OTULIN: variants seen among roughly 807,000 people sequenced by gnomAD.
The protein encoded by OTULIN is ubiquitin thioesterase otulin.
A neutral mutation model predicts 39.6 loss-of-function variants in OTULIN; 15 were observed. That is an observed-to-expected ratio of 0.38 (90% CI 0.25 to 0.58). The LOEUF (loss-of-function observed/expected upper bound fraction) is 0.58. Ranked by LOEUF, OTULIN falls within the 20% of genes least tolerant of loss-of-function variation. OTULIN has a pLI of 0.66. For missense variants in OTULIN, 319 were observed against 445.9 expected (o/e 0.72, Z 2.56); for synonymous variants, 156 against 170.3 (o/e 0.92, Z 0.65).
the OTULIN span, among the ~76,000 whole-genome samples, chr5:14,714,818 T>G: frequency 1.3e-5 from 2 of 152,154 alleles, no homozygotes; most frequent in Non-Finnish European, 2.9e-5. Flanking sequence ...TGGTGTCAAA[T>G]GGACAGTAAA....
Position 14,698,031 on chromosome 5 carries a change from T to C in OTULIN, c.*4983T>C, listed in dbSNP as rs1322858780. The C allele has an allele frequency of 6.6e-6, 1 of 152,228 alleles. No individual in the cohort carries two copies. Among genetic ancestry groups the C allele is most frequent in the Non-Finnish European group, 1.5e-5 (1 of 68,030 alleles). 9.4% of individuals were successfully genotyped at this position (152,228 alleles called of 1,614,324 possible). A position where few individuals can be genotyped will look rare whatever the true frequency, so the allele number is the denominator to read the frequency against. ...GAACTGCAGCAATCCACAGTAATGTTGGTTACTTCTGAGTATTTGATAAAG... is the reference window on the plus strand; with the variant it reads ...GAACTGCAGCAATCCACAGTAATGTCGGTTACTTCTGAGTATTTGATAAAG... On this transcript the variant is annotated 3_prime_UTR_variant, in exon 7 of 7. Transcript: ENST00000284274.
rs759928316 is a variant in OTULIN at position 14,692,959 on chromosome 5, C to T, written c.970C>T (p.Pro324Ser). ...EFITVYPTDP[P>S]KDWPVVTLIA... ...CATCACAGTCTACCCCACCGACCCA[C>T]CCAAGGACTGGCCAGTGGTAACGCT... Residue 324 changes from proline (P) to serine (S), a missense_variant, in exon 7 of 7, where the codon CCC (proline) becomes TCC (serine). Physicochemically the swap from Pro to Ser is moderately conservative, Grantham distance 74. Around this residue, in one of 4 missense-constraint regions of OTULIN, gnomAD observed 106 missense variants for 192.8 expected, o/e 0.55. Coordinates refer to ENST00000284274, the MANE Select transcript of OTULIN (RefSeq NM_138348.6). The T allele has an allele frequency of 9.9e-6, 16 of 1,614,212 alleles. No homozygotes were observed. Among genetic ancestry groups the T allele is most frequent in the Non-Finnish European group, 1.4e-5 (16 of 1,180,034 alleles).
At chr5:14,665,269 G>A (rs376526740) in intron 1 of OTULIN, among the ~76,000 whole-genome samples, 3 of 152,322 alleles carry the variant, frequency 2.0e-5, no homozygotes, top group African/African-American at 7.2e-5. Context: ...AAGCAAACCC[G>A]AGAAGTGATG....
At chr5:14,707,037 T>G in the OTULIN span, 1 of 152,186 alleles carries the variant, frequency 6.6e-6, no homozygotes, top group African/African-American at 2.4e-5. Context: ...GAGCAGAACT[T>G]AGAAGATAAA....
Position 14,664,761 on chromosome 5 carries a change from ACCCCGACGGGAGGGG to A in OTULIN, c.-63_-49del, listed in dbSNP as rs562825993. 3.6e-4 allele frequency: 403 copies of A among 1,106,800 alleles called. 2 individuals are homozygous for A. The African/African-American group carries it at 6.2e-3, about 17-fold the overall frequency. 68.6% of individuals were successfully genotyped at this position (1,106,800 alleles called of 1,614,324 possible). On this transcript the variant is annotated 5_prime_UTR_variant, in exon 1 of 7. Coordinates refer to ENST00000284274, the MANE Select transcript of OTULIN (RefSeq NM_138348.6). ...TGAGAGGCTGCGGCCACTGCCTGGCACCCCGACGGGAGGGGCTCCGGATCGTTCGGAGCCGGCTGA... is the reference window on the plus strand; with the variant it reads ...TGAGAGGCTGCGGCCACTGCCTGGCACTCCGGATCGTTCGGAGCCGGCTGA...
At chr5:14,686,222 A>G (rs1272126232) in intron 4 of OTULIN, among the ~76,000 whole-genome samples, 1 of 152,178 alleles carries the variant, frequency 6.6e-6, no homozygotes. Flanking sequence ...TTCCAGTTGA[A>G]TGGAAGATTT....
intron 1 of OTULIN, among the ~76,000 whole-genome samples, chr5:14,673,107 CAGGAAGCAGGAGGAT>C (rs914726269): frequency 6.6e-6 from 1 of 152,064 alleles, no homozygotes; most frequent in African/African-American, 2.4e-5. Flanking sequence ...ATTGTGGGGT[CAGGAAGCAGGAGGAT>C]TTCGAGGAGG....
the OTULIN span, chr5:14,710,753 T>A: frequency 5.1e-6 from 1 of 197,010 alleles, no homozygotes; most frequent in Admixed American, 5.4e-5. Context: ...GGGAAGCAAA[T>A]CAAAGGAAGC....
chr5:14,686,147 G>A (rs768409031), intron 4 of OTULIN, among the ~76,000 whole-genome samples: 4 of 152,192 alleles, frequency 2.6e-5, no homozygotes, highest in African/African-American at 4.8e-5. Context: ...TAGTTCACAC[G>A]ATTGCTCTAG....
chr5:14,692,692 T>TA (rs1285810777), intron 6 of OTULIN, among the ~76,000 whole-genome samples, 162 bp from the exon 7 acceptor site: 1 of 151,798 alleles, frequency 6.6e-6, no homozygotes, highest in African/African-American at 2.4e-5. Context: ...TTTTTTTTTT[T>TA]TTATTTAAAT....
At chr5:14,667,419 G>A (rs577046505) in intron 1 of OTULIN, among the ~76,000 whole-genome samples, 1 of 152,210 alleles carries the variant, frequency 6.6e-6, no homozygotes. Flanking sequence ...CTGTTGCCCA[G>A]TTTGGAGTGC....
the OTULIN span, chr5:14,710,810 G>A: frequency 3.5e-6 from 1 of 283,784 alleles, no homozygotes; most frequent in South Asian, 3.6e-5. Flanking sequence ...GGGGACAGGA[G>A]AGTCTGTGGC....
chr5:14,685,210 GT>G lies in OTULIN; in HGVS notation c.469-2307del, dbSNP rs962025914. Among the ~76,000 whole-genome samples the G allele has an allele frequency of 2.3e-3, 345 of 152,310 alleles. 2 individuals carry two copies. The highest frequency in any genetic ancestry group is 7.8e-3 in the African/African-American group (325 of 41,582). ...ACTGTGTATCAAAATTTTTTTGTAA[GT>G]TTTGGGGATGACACATTTTTATTAT... On this transcript the variant is annotated intron_variant, in intron 4 of 6. Transcript: ENST00000284274.
chr5:14,713,523 C>T, the OTULIN span: 2 of 1,613,744 alleles, frequency 1.2e-6, no homozygotes, highest in African/African-American at 2.7e-5. This position sits in a 1 kb window ranked among gnomAD's most constrained non-coding sequence, Gnocchi z 4.4. Context: ...ACCCACAGCC[C>T]CAAACTCCCT....
the OTULIN span, among the ~76,000 whole-genome samples, chr5:14,716,169 A>G: frequency 6.6e-6 from 1 of 152,132 alleles, no homozygotes; most frequent in Non-Finnish European, 1.5e-5. Context: ...TTTCAGGTCT[A>G]CTTCCTTTTT....
At chr5:14,667,170 C>G (rs73749524) in intron 1 of OTULIN, among the ~76,000 whole-genome samples, 1,830 of 152,226 alleles carry the variant, frequency 0.012, 42 homozygotes, top group African/African-American at 0.042. Context: ...ACAGTAATTA[C>G]AAATACAAAT....
rs1258583728 is a variant in OTULIN, at chr5:14,692,943, C to T, written c.954C>T (p.Val318=). Residue 318 remains valine (V), a synonymous_variant, in exon 7 of 7, where the codon GTC becomes GTT. Transcript: ENST00000284274. ...SKYNTEEFIT[V]YPTDPPKDWP... ...ACAACACGGAAGAATTCATCACAGTCTACCCCACCGACCCACCCAAGGACT... is the reference window on the plus strand; with the variant it reads ...ACAACACGGAAGAATTCATCACAGTTTACCCCACCGACCCACCCAAGGACT... 6.2e-7 allele frequency: 1 copy of T among 1,614,206 alleles called. No individual in the cohort carries two copies. The highest frequency in any genetic ancestry group is 1.1e-5 in the South Asian group (1 of 91,074).
chr5:14,696,850 T>C lies in OTULIN; in HGVS notation c.*3802T>C, dbSNP rs1433003247. On this transcript the variant is annotated 3_prime_UTR_variant, in exon 7 of 7. Transcript: ENST00000284274. ...GGAAGACTAGGGAGCCAGTGCCACGTTGAACAGAACAGTGGTTTAGTGAAT... is the reference window on the plus strand; with the variant it reads ...GGAAGACTAGGGAGCCAGTGCCACGCTGAACAGAACAGTGGTTTAGTGAAT... 2.0e-5 allele frequency: 3 copies of C among 152,236 alleles called. No individual in the cohort carries two copies. Among genetic ancestry groups the C allele is most frequent in the East Asian group, 3.8e-4 (2 of 5,200 alleles). The allele number at this position is 152,236 out of a possible 1,614,324, so 9.4% of individuals were successfully genotyped here.
chr5:14,678,443 A>G (rs182013702), intron 2 of OTULIN, among the ~76,000 whole-genome samples: 6 of 152,308 alleles, frequency 3.9e-5, no homozygotes, highest in South Asian at 2.1e-4. Flanking sequence ...CTGGCTAGCT[A>G]TCATGTGGAT....
Sources: gnomAD v4.1 joint callset for allele counts (sites outside exome capture counted in the v4.1 genomes callset) on GRCh38, gnomAD v4.1.1 for gene constraint, gnomAD v4.1.1 regional missense constraint, Gnocchi (gnomAD v3.1) non-coding constraint, MANE v1.5 for transcripts, NCBI Gene and HGNC (gene_info 2026-07-23, HGNC 2026-07-21) for gene names.